The following HMCN1 variants were observed in gnomAD, a reference collection of about 807,000 sequenced individuals.
HMCN1 encodes the protein hemicentin 1.
HMCN1 carries 321 observed loss-of-function variants against 625.9 expected under a neutral mutation model. The ratio of observed to expected loss-of-function variants is 0.51; its 90% confidence interval spans 0.47 to 0.56. The LOEUF is 0.56. Ranked by LOEUF, HMCN1 falls within the 20% of genes least tolerant of loss-of-function variation. The probability of loss-of-function intolerance (pLI) is 0.00; values close to 1 mark genes in which losing one functional copy is unlikely to be tolerated. For synonymous variants in HMCN1, 2,425 were observed against 2,417.6 expected, an observed-to-expected ratio of 1.00 and a Z score of -0.09; for missense variants, 6,588 against 6,887.3, an observed-to-expected ratio of 0.96 and a Z score of 1.54.
intron 11 of HMCN1, chr1:185,957,115 ACAT>A (rs1241169924): frequency 6.6e-6 from 1 of 152,204 alleles, no homozygotes; most frequent in Non-Finnish European, 1.5e-5. Flanking sequence ...TATTTGAATC[ACAT>A]CAGCAGTTAG....
At chr1:185,945,869 A>T (rs1267926859) in intron 11 of HMCN1, among the ~76,000 whole-genome samples, 1 of 152,188 alleles carries the variant, frequency 6.6e-6, no homozygotes, top group African/African-American at 2.4e-5. Flanking sequence ...TAGTCTTTTG[A>T]TATAGAATTG....
Position 186,087,919 on chromosome 1 carries a change from C to CT in HMCN1, c.9364-8dup. Reference sequence around the variant, plus strand: ...CTTAATGGAGCACATACAATAGTATCTTTTTCTTTTAGGTATCTGACACAG... The same window carrying CT: ...CTTAATGGAGCACATACAATAGTATCTTTTTTCTTTTAGGTATCTGACACAG... On this transcript the variant is annotated splice_polypyrimidine_tract_variant and intron_variant, in intron 60 of 106. Coordinates refer to ENST00000271588, the MANE Select transcript of HMCN1 (RefSeq NM_031935.3). 6.2e-7 allele frequency: 1 copy of CT among 1,604,548 alleles called. No homozygotes were observed. The highest frequency in any genetic ancestry group is 8.5e-7 in the Non-Finnish European group (1 of 1,171,766).
rs201480810 is a variant in HMCN1 at position 186,112,773 on chromosome 1, G to A, written c.10990-39G>A. 2.2e-5 allele frequency: 36 copies of A among 1,612,028 alleles called. No individual in the cohort carries two copies. The East Asian group carries it at 5.6e-4, about 25-fold the overall frequency. Reference sequence around the variant, plus strand: ...GAAATAATATTTATTCTCTTTTCCTGACATTTTAACGGCAAATTTCTTTAC... The same window carrying A: ...GAAATAATATTTATTCTCTTTTCCTAACATTTTAACGGCAAATTTCTTTAC... On this transcript the variant is annotated intron_variant, in intron 71 of 106. Coordinates refer to ENST00000271588, the MANE Select transcript of HMCN1 (RefSeq NM_031935.3).
At chr1:185,773,443 A>G (rs943798784) in intron 1 of HMCN1, among the ~76,000 whole-genome samples, 2 of 152,214 alleles carry the variant, frequency 1.3e-5, no homozygotes, top group African/African-American at 4.8e-5. Flanking sequence ...AAAGTAAGTG[A>G]TACACTTATT....
chr1:186,086,750 TGATAGACATA>T (rs1408153446), intron 58 of HMCN1, among the ~76,000 whole-genome samples: 2 of 151,796 alleles, frequency 1.3e-5, no homozygotes, highest in African/African-American at 4.8e-5. Flanking sequence ...TAAGGATAGA[TGATAGACATA>T]GATAGATAGA....
At chr1:185,914,276 A>T (rs940579725) in intron 6 of HMCN1, among the ~76,000 whole-genome samples, 2 of 152,162 alleles carry the variant, frequency 1.3e-5, no homozygotes, top group African/African-American at 4.8e-5. Flanking sequence ...CTAATGAATG[A>T]TAAATGTTTT....
chr1:185,771,857 A>G (rs1047275137), intron 1 of HMCN1, among the ~76,000 whole-genome samples: 4 of 152,214 alleles, frequency 2.6e-5, no homozygotes, highest in African/African-American at 9.6e-5. Context: ...AAATAAAGCT[A>G]TAATTTGATA....
At chr1:186,034,264 A>G (rs1655671952) in intron 36 of HMCN1, among the ~76,000 whole-genome samples, 2 of 152,186 alleles carry the variant, frequency 1.3e-5, no homozygotes, top group African/African-American at 4.8e-5. Context: ...GAGCCTCCAG[A>G]AGGGAATTCA....
At position 186,028,352 on chromosome 1, in the gene HMCN1, G is replaced by A. The variant is rs575156567; in HGVS notation, c.5749+5199G>A. On this transcript the variant is annotated intron_variant, in intron 36 of 106. Transcript: ENST00000271588. ...GATCATAAGATATTGTTACTTTATT[G>A]CTGCTCTATCTAGAACAATGTTCTC... Among the ~76,000 whole-genome samples the A allele has an allele frequency of 4.6e-5, 7 of 152,242 alleles. 1 individual carries two copies. Among genetic ancestry groups the A allele is most frequent in the African/African-American group, 1.7e-4 (7 of 41,554 alleles).
chr1:185,870,236 A>C (rs1384772167), intron 4 of HMCN1, among the ~76,000 whole-genome samples: 1 of 152,174 alleles, frequency 6.6e-6, no homozygotes, highest in Non-Finnish European at 1.5e-5. Context: ...CAAGGAACTA[A>C]ACTATTGCAG....
At chr1:185,742,826 G>A (rs1351549436) in intron 1 of HMCN1, among the ~76,000 whole-genome samples, 2 of 152,168 alleles carry the variant, frequency 1.3e-5, no homozygotes, top group Non-Finnish European at 2.9e-5. Flanking sequence ...GTCACTAGAT[G>A]TCTCCTGAGG....
rs896012931 is a variant in HMCN1 at position 186,163,400 on chromosome 1, GTGCGCTGCACCCAC to G, written c.15257-1708_15257-1695del. Among the ~76,000 whole-genome samples the G allele has an allele frequency of 2.2e-4, 34 of 152,292 alleles. No homozygotes were observed. The South Asian group carries it at 3.3e-3, about 15-fold the overall frequency. On this transcript the variant is annotated intron_variant, in intron 97 of 106. Coordinates refer to ENST00000271588, the MANE Select transcript of HMCN1 (RefSeq NM_031935.3). The stretch of plus-strand genomic sequence containing the variant: ...CTCACCCTGCTTCGGCTCACGCACG[GTGCGCTGCACCCAC>G]TGACCTGCACCCACTGTCTGGCACT...
chr1:185,779,365 T>G lies in HMCN1; in HGVS notation c.268+44318T>G, dbSNP rs776515127. Among the ~76,000 whole-genome samples the G allele has an allele frequency of 3.2e-4, 48 of 152,344 alleles. No individual in the cohort carries two copies. In the Middle Eastern group the frequency reaches 0.01, roughly 32 times the overall value. On this transcript the variant is annotated intron_variant, in intron 1 of 106. Transcript: ENST00000271588. Reference sequence around the variant, plus strand: ...CTTGAGTTTAATTAGATCCCATTTGTCAATTTTGGCTTTTGTTGCCATTGC... The same window carrying G: ...CTTGAGTTTAATTAGATCCCATTTGGCAATTTTGGCTTTTGTTGCCATTGC...
At chr1:186,154,898 C>A (rs868603669) in intron 97 of HMCN1, among the ~76,000 whole-genome samples, 16 of 152,120 alleles carry the variant, frequency 1.1e-4, no homozygotes, top group Non-Finnish European at 1.6e-4. Context: ...AGAGCCACCA[C>A]GGCAATTAAC....
At position 186,178,464 on chromosome 1, in the gene HMCN1, C is replaced by T. The variant is rs752819128; in HGVS notation, c.15992C>T (p.Ser5331Phe). 3 of 1,613,888 alleles carry T rather than the reference C, an allele frequency of 1.9e-6. No homozygotes were observed. Among genetic ancestry groups the T allele is most frequent in the East Asian group, 2.2e-5 (1 of 44,892 alleles). The change falls in exon 104 of 107, where the codon TCC becomes TTC. Residue 5331 changes from serine to phenylalanine, a missense_variant. Ser to Phe is a radical substitution (Grantham distance 155). Coordinates refer to ENST00000271588, the MANE Select transcript of HMCN1 (RefSeq NM_031935.3). ...CCTAAACCTTGTGCACATCAGTGCT[C>T]CAACACCCCCGGCAGCTTCAAGTGT... ...QVPKPCAHQC[S>F]NTPGSFKCIC...
At chr1:186,062,897 A>C (rs930252683) in intron 48 of HMCN1, among the ~76,000 whole-genome samples, 6 of 151,046 alleles carry the variant, frequency 4.0e-5, no homozygotes, top group Admixed American at 2.0e-4. Context: ...CTTAGCTCCC[A>C]TTTATAAGTT....
intron 4 of HMCN1, among the ~76,000 whole-genome samples, chr1:185,876,535 G>T (rs1663946475): frequency 6.6e-6 from 1 of 152,112 alleles, no homozygotes; most frequent in African/African-American, 2.4e-5. Context: ...CAAACAGTGT[G>T]TAAGCGTTCT....
Position 186,016,235 on chromosome 1 carries a change from C to G in HMCN1, c.5187C>G (p.Val1729=). ...GEKEIKYEVD[V]LVPPAIEGGD... Reference sequence around the variant, plus strand: ...AGGAAATCAAATATGAAGTTGATGTCTTGGGTAAATAAGGATGCCACTGCC... The same window carrying G: ...AGGAAATCAAATATGAAGTTGATGTGTTGGGTAAATAAGGATGCCACTGCC... Residue 1729 remains valine (V), a synonymous_variant, in exon 32 of 107, where the codon GTC becomes GTG. Transcript: ENST00000271588. 1 of 1,612,186 alleles carries G rather than the reference C, an allele frequency of 6.2e-7. No individual in the cohort carries two copies. Among genetic ancestry groups the G allele is most frequent in the Non-Finnish European group, 8.5e-7 (1 of 1,178,556 alleles).
At chr1:185,751,855 G>C (rs982919624) in intron 1 of HMCN1, among the ~76,000 whole-genome samples, 1 of 150,360 alleles carries the variant, frequency 6.7e-6, no homozygotes, top group Non-Finnish European at 1.5e-5. Flanking sequence ...CTTATTTTTT[G>C]TTTTTTATAA....
Sources: gnomAD v4.1 joint callset for allele counts (sites outside exome capture counted in the v4.1 genomes callset) on GRCh38, gnomAD v4.1.1 for gene constraint, MANE v1.5 for transcripts, NCBI Gene and HGNC (gene_info 2026-07-23, HGNC 2026-07-21) for gene names.